DEF6: variants seen among roughly 807,000 people sequenced by gnomAD.
DEF6 encodes differentially expressed in FDCP 6 homolog.
DEF6 carries 32 observed loss-of-function variants against 80.5 expected under a neutral mutation model. That is an observed-to-expected ratio of 0.40 (90% CI 0.30 to 0.53). DEF6 has a LOEUF of 0.53. DEF6 is among the 20% of genes least tolerant of loss of function. The pLI is 0.57. For synonymous variants in DEF6, 300 were observed against 337.9 expected (o/e 0.89, Z 1.23); for missense variants, 575 against 818.7 (o/e 0.70, Z 3.63).
At chr6:35,310,672 G>C in intron 3 of DEF6, 28 bp downstream of exon 3, 1 of 1,613,234 alleles carries the variant, frequency 6.2e-7, no homozygotes, top group East Asian at 2.2e-5. Context: ...CCCAGGGACT[G>C]AATCACTTGG....
In DEF6 at chr6:35,319,745, C is replaced by T; in HGVS notation, c.1382+55C>T. 6.2e-7 allele frequency: 1 copy of T among 1,610,408 alleles called. No homozygotes were observed. Among genetic ancestry groups the T allele is most frequent in the Non-Finnish European group, 8.5e-7 (1 of 1,177,330 alleles). On this transcript the variant is annotated intron_variant, in intron 8 of 10. Transcript: ENST00000316637. The surrounding 1 kb of genome is among the most constrained non-coding windows in gnomAD (Gnocchi z 4.5). ...TCACCACCCCTCCTGGAACACACCC[C>T]AGTTTTCCTGCTTGCTGTGCACCTG...
At chr6:35,310,346 G>A (rs1791447148) in intron 2 of DEF6, 113 bp from the exon 3 acceptor site, 2 of 1,142,722 alleles carry the variant, frequency 1.8e-6, no homozygotes, top group East Asian at 2.5e-5. Context: ...TAGGGCCCTG[G>A]ACTTGGCCAG....
chr6:35,306,819 G>C (rs1398038890), intron 1 of DEF6, among the ~76,000 whole-genome samples: 5 of 152,168 alleles, frequency 3.3e-5, no homozygotes, highest in African/African-American at 9.7e-5. Context: ...TTATTAAGCA[G>C]TGCACTATGC....
rs114708018 is a variant in DEF6 at position 35,320,034 on chromosome 6, G to T, written c.1581+17G>T. On this transcript the variant is annotated intron_variant, in intron 9 of 10. Coordinates refer to ENST00000316637, the MANE Select transcript of DEF6 (RefSeq NM_022047.4). ...GATGTGGAGGTGAGGCCTGGGGTGG[G>T]ATGGGGTGGAGGCTGGCAGGGTGAG... The T allele has an allele frequency of 0.016, 25,174 of 1,553,602 alleles. 600 individuals carry two copies. The highest frequency in any genetic ancestry group is 0.068 in the African/African-American group (4,978 of 73,712).
chr6:35,318,047 C>G lies in DEF6; in HGVS notation c.916+48C>G, dbSNP rs1357402421. ...GGGTCTGGGTGGTCCTTAGGCGCCT[C>G]ATCTGTGAAAAGGGGGTGATAATAC... On this transcript the variant is annotated intron_variant, in intron 6 of 10. Transcript: ENST00000316637. The surrounding 1 kb of genome is among the most constrained non-coding windows in gnomAD (Gnocchi z 5.1). 6.3e-7 allele frequency: 1 copy of G among 1,575,668 alleles called. No individual in the cohort carries two copies. Among genetic ancestry groups the G allele is most frequent in the African/African-American group, 1.4e-5 (1 of 73,686 alleles).
At position 35,318,524 on chromosome 6, in the gene DEF6, C is replaced by T. The variant is rs1323416768; in HGVS notation, c.1215+53C>T. 7 of 1,350,434 alleles carry T rather than the reference C, an allele frequency of 5.2e-6. No homozygotes were observed. The highest frequency in any genetic ancestry group is 1.5e-5 in the African/African-American group (1 of 64,600). The allele number at this position is 1,350,434 out of a possible 1,614,324, so 83.7% of individuals were successfully genotyped here. A position where few individuals can be genotyped will look rare whatever the true frequency, so the allele number is the denominator to read the frequency against. On this transcript the variant is annotated intron_variant, in intron 7 of 10. Transcript: ENST00000316637. The surrounding 1 kb of genome is among the most constrained non-coding windows in gnomAD (Gnocchi z 5.1). ...GGGACCGGTGGGCTGGGAGGCTGGC[C>T]AGGGGCGGAGCGCCGGGGGCGGGGC...
intron 1 of DEF6, among the ~76,000 whole-genome samples, chr6:35,305,739 A>T (rs1791380899): frequency 6.6e-6 from 1 of 151,834 alleles, no homozygotes; most frequent in African/African-American, 2.4e-5. Flanking sequence ...CACCCAGCTA[A>T]TTTTTGTATT....
intron 1 of DEF6, among the ~76,000 whole-genome samples, chr6:35,307,153 T>G (rs1322624521): frequency 6.6e-6 from 1 of 152,168 alleles, no homozygotes; most frequent in Non-Finnish European, 1.5e-5. Flanking sequence ...AATCCCAGCA[T>G]TTTGGGAGGC....
chr6:35,309,080 A>T (rs1357486356), intron 1 of DEF6, among the ~76,000 whole-genome samples: 2 of 152,208 alleles, frequency 1.3e-5, no homozygotes, highest in African/African-American at 4.8e-5. Flanking sequence ...AGACACGCTT[A>T]GGTGATAGGC....
At chr6:35,305,811 G>C (rs946608988) in intron 1 of DEF6, among the ~76,000 whole-genome samples, 1 of 152,204 alleles carries the variant, frequency 6.6e-6, no homozygotes, top group South Asian at 2.1e-4. Flanking sequence ...GACCTCAAGT[G>C]ATCCGCCCAC....
At chr6:35,306,653 C>T (rs9469983) in intron 1 of DEF6, among the ~76,000 whole-genome samples, 6,240 of 152,270 alleles carry the variant, frequency 0.041, 447 homozygotes, top group African/African-American at 0.14. Flanking sequence ...ATTGTTTTGA[C>T]CTACTGAAAT....
intron 1 of DEF6, among the ~76,000 whole-genome samples, chr6:35,302,632 A>C (rs886957931): frequency 2.6e-5 from 4 of 152,200 alleles, no homozygotes; most frequent in African/African-American, 9.7e-5. Flanking sequence ...CTCAAAGGTC[A>C]GTGACTGCCA....
At chr6:35,317,472 C>T (rs113032176) in intron 5 of DEF6, 3,091 of 157,266 alleles carry the variant, frequency 0.02, 58 homozygotes, top group African/African-American at 0.048. Context: ...AGTATCCCAA[C>T]CCCTGGAGCA....
chr6:35,304,317 T>C (rs1222703836), intron 1 of DEF6, among the ~76,000 whole-genome samples: 1 of 152,122 alleles, frequency 6.6e-6, no homozygotes, highest in Non-Finnish European at 1.5e-5. Context: ...TGAGACCCAG[T>C]CTCAAAAGAT....
At chr6:35,311,655 AACAT>A (rs1457688699) in intron 3 of DEF6, among the ~76,000 whole-genome samples, 2 of 152,090 alleles carry the variant, frequency 1.3e-5, no homozygotes, top group African/African-American at 4.8e-5. Context: ...TTCTGCGATC[AACAT>A]ACAGAGTTAA....
At chr6:35,300,767 A>G (rs768432613) in intron 1 of DEF6, among the ~76,000 whole-genome samples, 29 of 152,320 alleles carry the variant, frequency 1.9e-4, no homozygotes, top group Non-Finnish European at 4.0e-4. Flanking sequence ...AACCGCCTCT[A>G]AAAACCTTTG....
At chr6:35,315,847 C>CTTTTTTTT (rs1159503411) in intron 5 of DEF6, among the ~76,000 whole-genome samples, 7 of 113,846 alleles carry the variant, frequency 6.1e-5, no homozygotes, top group African/African-American at 1.5e-4. Context: ...GTTGGAGTCC[C>CTTTTTTTT]TTTTTTTTTT....
intron 10 of DEF6, 49 bp from the exon 11 acceptor site, chr6:35,321,138 C>T: frequency 1.3e-6 from 2 of 1,599,408 alleles, no homozygotes; most frequent in South Asian, 2.2e-5. Context: ...CCCCTCGCCT[C>T]TCACCTTTGC....
chr6:35,312,536 C>G lies in DEF6; in HGVS notation c.658C>G (p.Gln220Glu). 6.2e-7 allele frequency: 1 copy of G among 1,614,090 alleles called. No individual in the cohort carries two copies. Among genetic ancestry groups the G allele is most frequent in the Non-Finnish European group, 8.5e-7 (1 of 1,179,966 alleles). ...YQELIQDVLK[Q>E]GYLWKRGHLR... ...GGAGCTCATCCAAGATGTCCTGAAG[C>G]AGGTCAGGCAAGCTGGGAACTAGGG... Residue 220 changes from glutamine (Q) to glutamate (E), a missense_variant and splice_region_variant, in exon 4 of 11, where the codon CAG becomes GAG. Physicochemically the swap from Gln to Glu is conservative, Grantham distance 29. Coordinates refer to ENST00000316637, the MANE Select transcript of DEF6 (RefSeq NM_022047.4). The surrounding 1 kb of genome is among the most constrained non-coding windows in gnomAD (Gnocchi z 6.6).
Sources: gnomAD v4.1 joint callset for allele counts (sites outside exome capture counted in the v4.1 genomes callset) on GRCh38, gnomAD v4.1.1 for gene constraint, Gnocchi (gnomAD v3.1) non-coding constraint, MANE v1.5 for transcripts, NCBI Gene and HGNC (gene_info 2026-07-23, HGNC 2026-07-21) for gene names.